Variants in DIP2B observed in about 807,000 individuals in gnomAD.
DIP2B encodes the protein DIP2 acetate--CoA ligase B (putative).
A neutral mutation model predicts 198.0 loss-of-function variants in DIP2B; 76 were observed. That is an observed-to-expected ratio of 0.38 (90% CI 0.32 to 0.46). DIP2B has a LOEUF of 0.46. DIP2B is among the 20% of genes least tolerant of loss of function. The probability of loss-of-function intolerance (pLI) is 0.99; values close to 1 mark genes in which losing one functional copy is unlikely to be tolerated. For missense variants in DIP2B, 1,559 were observed against 1,978.4 expected, an observed-to-expected ratio of 0.79 and a Z score of 4.02; for synonymous variants, 701 against 739.1, an observed-to-expected ratio of 0.95 and a Z score of 0.84.
At chr12:50,554,969 G>A (rs773784171) in intron 1 of DIP2B, among the ~76,000 whole-genome samples, 1 of 149,048 alleles carries the variant, frequency 6.7e-6, no homozygotes, top group Admixed American at 6.8e-5. Flanking sequence ...GGGTTTCACC[G>A]TGTTGGCCAG....
intron 2 of DIP2B, among the ~76,000 whole-genome samples, chr12:50,633,598 C>T (rs1938103486): frequency 6.6e-6 from 1 of 152,052 alleles, no homozygotes; most frequent in Non-Finnish European, 1.5e-5. Flanking sequence ...GACCTCATCT[C>T]TACAAAAAAA....
Position 50,641,415 on chromosome 12 carries a change from C to T in DIP2B, c.301+563C>T, listed in dbSNP as rs540256651. ...GTAACAGTTTAAGAAGAGAACCAGA[C>T]AAGCATACAAGCACAAAGGCCATGT... On this transcript the variant is annotated intron_variant, in intron 3 of 37. Transcript: ENST00000301180. Among the ~76,000 whole-genome samples, 13 of 152,156 alleles carry T rather than the reference C, an allele frequency of 8.5e-5. 1 individual carries two copies. The South Asian group carries it at 2.7e-3, about 32-fold the overall frequency.
intron 1 of DIP2B, among the ~76,000 whole-genome samples, chr12:50,589,456 G>C (rs1958800513): frequency 6.6e-6 from 1 of 151,974 alleles, no homozygotes; most frequent in Admixed American, 6.6e-5. Context: ...TGGGGTTTCA[G>C]ATGTGAGCCA....
intron 1 of DIP2B, among the ~76,000 whole-genome samples, chr12:50,527,226 G>A (rs768310020): frequency 1.3e-5 from 2 of 152,308 alleles, no homozygotes; most frequent in Non-Finnish European, 2.9e-5. Context: ...CCTTTGGTCA[G>A]TTTATTCTAG....
At chr12:50,537,106 A>T (rs1362927787) in intron 1 of DIP2B, among the ~76,000 whole-genome samples, 24 of 43,506 alleles carry the variant, frequency 5.5e-4, no homozygotes, top group South Asian at 8.5e-4. Flanking sequence ...CTTGTTTATT[A>T]TTCTCTAATT....
chr12:50,593,601 C>G (rs773838657), intron 1 of DIP2B, among the ~76,000 whole-genome samples: 5 of 151,228 alleles, frequency 3.3e-5, no homozygotes, highest in Non-Finnish European at 7.4e-5. Flanking sequence ...AAGAGCCCAT[C>G]AGAGATTACT....
chr12:50,702,756 AAAG>A (rs1451039596), intron 19 of DIP2B, among the ~76,000 whole-genome samples: 1 of 149,930 alleles, frequency 6.7e-6, no homozygotes, highest in African/African-American at 2.4e-5. Flanking sequence ...AAAAAAAAAA[AAAG>A]GAGGGGTGGG....
intron 1 of DIP2B, among the ~76,000 whole-genome samples, chr12:50,577,799 TA>T (rs945996155): frequency 4.4e-4 from 65 of 147,112 alleles, no homozygotes; most frequent in Admixed American, 4.8e-4. Context: ...AAAGTAAAAT[TA>T]AAAAAAAAAA....
rs1379360773 is a variant in DIP2B, at chr12:50,693,006, T to C, written c.1712T>C (p.Met571Thr). 2 of 1,611,544 alleles carry C rather than the reference T, an allele frequency of 1.2e-6. No individual in the cohort carries two copies. Among genetic ancestry groups the C allele is most frequent in the Non-Finnish European group, 8.5e-7 (1 of 1,179,420 alleles). The change falls in exon 14 of 38, where the codon ATG becomes ACG. Residue 571 changes from methionine (M) to threonine (T), a missense_variant. By Grantham distance (81) the Met-to-Thr change is moderately conservative. Transcript: ENST00000301180. ...AAGGATGCTGGGCTGTGGCACGGCA[T>C]GTTTGCGGTAAGCTACTCAGATTTA... ...FKKDAGLWHG[M>T]FANVMNKMHT...
chr12:50,590,857 T>C (rs1422012976), intron 1 of DIP2B, among the ~76,000 whole-genome samples: 1 of 152,200 alleles, frequency 6.6e-6, no homozygotes, highest in Non-Finnish European at 1.5e-5. Context: ...AACTCCACTT[T>C]CAAGTTAGAT....
intron 2 of DIP2B, among the ~76,000 whole-genome samples, chr12:50,634,123 C>G (rs1938115446): frequency 1.3e-5 from 2 of 152,186 alleles, no homozygotes. Flanking sequence ...GAACATCTTT[C>G]AGTAGTTGGA....
chr12:50,658,113 A>C (rs1026840094), intron 3 of DIP2B, among the ~76,000 whole-genome samples: 7 of 151,916 alleles, frequency 4.6e-5, no homozygotes, highest in Admixed American at 6.6e-5. Flanking sequence ...AAAGAAAAAA[A>C]AGAAAAACAA....
intron 30 of DIP2B, among the ~76,000 whole-genome samples, chr12:50,731,070 A>T: frequency 6.6e-6 from 1 of 152,320 alleles, no homozygotes; most frequent in Non-Finnish European, 1.5e-5. Flanking sequence ...GGTTTTAAAG[A>T]TTAGTTATTA....
chr12:50,687,254 G>A (rs1442500272), intron 12 of DIP2B, among the ~76,000 whole-genome samples: 2 of 152,094 alleles, frequency 1.3e-5, no homozygotes, highest in Admixed American at 1.3e-4. Context: ...TGTGAGGTTT[G>A]GATTATTACT....
Position 50,732,405 on chromosome 12 carries a change from G to T in DIP2B, c.3850G>T (p.Val1284Leu). 1.9e-6 allele frequency: 3 copies of T among 1,614,202 alleles called. No homozygotes were observed. The highest frequency in any genetic ancestry group is 2.5e-6 in the Non-Finnish European group (3 of 1,180,028). ...CCTCTCCTGCGTCCGGACCTGTGTG[G>T]TGGTGGCGGAGGAGAGGCCCCGCGT... ...INLSCVRTCV[V>L]VAEERPRVAL... is the part of the protein sequence containing the mutation. Residue 1284 changes from valine (V) to leucine (L), a missense_variant, in exon 32 of 38, where the codon GTG (valine) becomes TTG (leucine). Physicochemically the swap from Val to Leu is conservative, Grantham distance 32 (BLOSUM62 1). Coordinates refer to ENST00000301180, the MANE Select transcript of DIP2B (RefSeq NM_173602.3).
intron 19 of DIP2B, among the ~76,000 whole-genome samples, chr12:50,700,720 C>T (rs1939402471): frequency 6.6e-6 from 1 of 152,186 alleles, no homozygotes; most frequent in South Asian, 2.1e-4. Flanking sequence ...CTTGCCCAGC[C>T]TTCAAAAGCT....
chr12:50,582,801 G>A (rs1398823088), intron 1 of DIP2B, among the ~76,000 whole-genome samples: 14 of 152,122 alleles, frequency 9.2e-5, no homozygotes, highest in Non-Finnish European at 1.5e-4. Flanking sequence ...TTACAAGTAC[G>A]TAAGCTAGTC....
At position 50,737,058 on chromosome 12, in the gene DIP2B, T is replaced by G; in HGVS notation, c.4124T>G (p.Val1375Gly). Residue 1375 changes from valine to glycine, a missense_variant, in exon 35 of 38, where the codon GTT (valine) becomes GGT (glycine). Transcript: ENST00000301180. Reference protein sequence around the residue: ...SGKILPGVKVVIVNPETKGPV... With the variant: ...SGKILPGVKVGIVNPETKGPV... ...TAGATTTTACCTGGAGTGAAAGTGG[T>G]TATTGTTAATCCTGAGACCAAAGGG... The G allele has an allele frequency of 6.2e-7, 1 of 1,614,052 alleles. No homozygotes were observed. The highest frequency in any genetic ancestry group is 8.5e-7 in the Non-Finnish European group (1 of 1,179,960).
At chr12:50,730,190 G>A (rs1223448870) in intron 30 of DIP2B, among the ~76,000 whole-genome samples, 1 of 152,120 alleles carries the variant, frequency 6.6e-6, no homozygotes, top group Non-Finnish European at 1.5e-5. Flanking sequence ...ACTTAAAGTG[G>A]CAATGACTGC....
Sources: gnomAD v4.1 joint callset for allele counts (sites outside exome capture counted in the v4.1 genomes callset) on GRCh38, gnomAD v4.1.1 for gene constraint, MANE v1.5 for transcripts, NCBI Gene and HGNC (gene_info 2026-07-23, HGNC 2026-07-21) for gene names.